The following VWC2 variants were observed in gnomAD, a reference collection of about 807,000 sequenced individuals.
VWC2 encodes von Willebrand factor C domain containing 2.
In VWC2, 14 loss-of-function variants were observed where a neutral mutation model predicts 29.8. That is an observed-to-expected ratio of 0.47 (90% confidence interval 0.31 to 0.74). The LOEUF is 0.74. VWC2 is among the 30% of genes least tolerant of loss of function. VWC2 has a pLI of 0.05. For missense variants in VWC2, 457 were observed against 459.8 expected, an observed-to-expected ratio of 0.99 and a Z score of 0.05; for synonymous variants, 213 against 199.0, an observed-to-expected ratio of 1.07 and a Z score of -0.59.
At chr7:49,834,439 A>G (rs1789610962) in intron 3 of VWC2, among the ~76,000 whole-genome samples, 1 of 152,236 alleles carries the variant, frequency 6.6e-6, no homozygotes, top group Non-Finnish European at 1.5e-5. Flanking sequence ...TAGGACTCCA[A>G]TTATGTAAAT....
intron 3 of VWC2, among the ~76,000 whole-genome samples, chr7:49,811,041 C>A (rs539363870): frequency 6.6e-6 from 1 of 152,112 alleles, no homozygotes; most frequent in South Asian, 2.1e-4. Context: ...AAAATTTTTG[C>A]ATCTCAAAAC....
intron 3 of VWC2, among the ~76,000 whole-genome samples, chr7:49,846,209 A>T (rs994448369): frequency 6.6e-6 from 1 of 152,134 alleles, no homozygotes; most frequent in Admixed American, 6.6e-5. Context: ...CCATCACTCC[A>T]TTTGGTGCAA....
At chr7:49,880,231 G>T (rs1351197684) in intron 3 of VWC2, among the ~76,000 whole-genome samples, 1 of 152,030 alleles carries the variant, frequency 6.6e-6, no homozygotes, top group East Asian at 1.9e-4. Context: ...TCTCTTATAT[G>T]TGTGGCTATA....
At chr7:49,880,327 T>A (rs1583742582) in intron 3 of VWC2, among the ~76,000 whole-genome samples, 1 of 152,210 alleles carries the variant, frequency 6.6e-6, no homozygotes, top group East Asian at 1.9e-4. Context: ...GATGCTGAAT[T>A]CTATGTATTT....
intron 3 of VWC2, among the ~76,000 whole-genome samples, chr7:49,827,887 C>G (rs888119881): frequency 6.6e-6 from 1 of 152,162 alleles, no homozygotes; most frequent in African/African-American, 2.4e-5. Context: ...CTTATATATT[C>G]TGATCAAGTC....
chr7:49,843,774 C>T (rs894223831), intron 3 of VWC2, among the ~76,000 whole-genome samples: 1 of 152,192 alleles, frequency 6.6e-6, no homozygotes, highest in Non-Finnish European at 1.5e-5. Context: ...CCCAGCGCTA[C>T]AGGGCATTGT....
intron 3 of VWC2, among the ~76,000 whole-genome samples, chr7:49,880,364 T>C (rs935524494): frequency 3.9e-5 from 6 of 152,042 alleles, no homozygotes; most frequent in Admixed American, 2.0e-4. Flanking sequence ...TCTGAATTTA[T>C]AGATAACTTT....
intron 3 of VWC2, among the ~76,000 whole-genome samples, chr7:49,804,045 T>C (rs953363568): frequency 7.2e-5 from 11 of 152,130 alleles, no homozygotes; most frequent in Non-Finnish European, 7.3e-5. Flanking sequence ...AAAACAAAGA[T>C]GTCACAGAGT....
At chr7:49,882,392 G>A (rs1022764938) in intron 3 of VWC2, among the ~76,000 whole-genome samples, 1 of 152,128 alleles carries the variant, frequency 6.6e-6, no homozygotes, top group Non-Finnish European at 1.5e-5. Flanking sequence ...ACCATCCACT[G>A]TCTTTATTTT....
chr7:49,824,515 C>G (rs1474872785), intron 3 of VWC2, among the ~76,000 whole-genome samples: 1 of 152,108 alleles, frequency 6.6e-6, no homozygotes, highest in Non-Finnish European at 1.5e-5. Flanking sequence ...AGGTGTCCAA[C>G]TTTATTTTTT....
Position 49,775,560 on chromosome 7 carries a change from A to C in VWC2, c.125A>C (p.Gln42Pro), listed in dbSNP as rs1490601943. Reference protein sequence around the residue: ...PLEKLAQAPEQPGQEKREHAS... With the variant: ...PLEKLAQAPEPPGQEKREHAS... ...GAGAAGCTGGCCCAGGCACCAGAGC[A>C]GCCGGGCCAGGAGAAGCGTGAGCAC... is the stretch of plus-strand genomic sequence containing the variant. Residue 42 changes from glutamine (Q) to proline (P), a missense_variant, in exon 2 of 4, where the codon CAG becomes CCG. By Grantham distance (76) the Gln-to-Pro change is moderately conservative. Coordinates refer to ENST00000340652, the MANE Select transcript of VWC2 (RefSeq NM_198570.5). The C allele has an allele frequency of 6.5e-7, 1 of 1,549,054 alleles. No individual in the cohort carries two copies. Among genetic ancestry groups the C allele is most frequent in the South Asian group, 1.2e-5 (1 of 83,358 alleles).
rs1288743178 is a variant in VWC2, at chr7:49,775,956, C to T, written c.521C>T (p.Ser174Leu). 2 of 1,551,416 alleles carry T rather than the reference C, an allele frequency of 1.3e-6. No homozygotes were observed. Among genetic ancestry groups the T allele is most frequent in the Non-Finnish European group, 1.7e-6 (2 of 1,150,730 alleles). Residue 174 changes from serine (S) to leucine (L), a missense_variant, in exon 2 of 4, where the codon TCG becomes TTG. Physicochemically the swap from Ser to Leu is moderately radical, Grantham distance 145. Transcript: ENST00000340652. ...AIGEKFAPGP[S>L]ACPCLCTEEG... ...GGGGAGAAGTTCGCGCCGGGCCCCTCGGCCTGCCCGTGCCTGTGCACCGAG... is the reference window on the plus strand; with the variant it reads ...GGGGAGAAGTTCGCGCCGGGCCCCTTGGCCTGCCCGTGCCTGTGCACCGAG...
intron 3 of VWC2, among the ~76,000 whole-genome samples, chr7:49,835,843 GCTT>G (rs1001629534): frequency 2.6e-5 from 4 of 152,060 alleles, no homozygotes; most frequent in African/African-American, 7.2e-5. Context: ...TGAACCTTTT[GCTT>G]CTTCTTTATA....
rs982811000 is a variant in VWC2, at chr7:49,918,581, G to A, written c.*6396G>A. The stretch of plus-strand genomic sequence containing the variant: ...GTTGTTCAGGTATGATTCTCATATT[G>A]AAATTTACAAAATATAACCAAATAT... On this transcript the variant is annotated 3_prime_UTR_variant, in exon 4 of 4. Coordinates refer to ENST00000340652, the MANE Select transcript of VWC2 (RefSeq NM_198570.5). 3.9e-5 allele frequency: 6 copies of A among 152,136 alleles called. No individual in the cohort carries two copies. Among genetic ancestry groups the A allele is most frequent in the Non-Finnish European group, 5.9e-5 (4 of 68,016 alleles). 9.4% of individuals were successfully genotyped at this position (152,136 alleles called of 1,614,324 possible). A position where few individuals can be genotyped will look rare whatever the true frequency, so the allele number is the denominator to read the frequency against.
At chr7:49,872,865 G>A (rs1316902150) in intron 3 of VWC2, among the ~76,000 whole-genome samples, 3 of 119,116 alleles carry the variant, frequency 2.5e-5, no homozygotes, top group African/African-American at 6.3e-5. Flanking sequence ...GCAGTGACCC[G>A]AGATCATGCC....
intron 3 of VWC2, among the ~76,000 whole-genome samples, chr7:49,810,524 T>C (rs1051801143): frequency 2.0e-5 from 3 of 152,132 alleles, no homozygotes; most frequent in Non-Finnish European, 2.9e-5. Flanking sequence ...TTGTAGAAAT[T>C]GACAGTCTGA....
At chr7:49,779,434 A>G (rs1406928473) in intron 2 of VWC2, among the ~76,000 whole-genome samples, 1 of 152,180 alleles carries the variant, frequency 6.6e-6, no homozygotes, top group East Asian at 1.9e-4. Context: ...TCCTCCAGGG[A>G]TGGTTGTAAT....
At chr7:49,792,744 T>C (rs1313030767) in intron 2 of VWC2, among the ~76,000 whole-genome samples, 2 of 152,254 alleles carry the variant, frequency 1.3e-5, no homozygotes, top group Admixed American at 1.3e-4. Flanking sequence ...CGGGCTTGGC[T>C]GGAGGAGGCC....
chr7:49,780,376 G>T (rs978754573), intron 2 of VWC2, among the ~76,000 whole-genome samples: 1 of 152,140 alleles, frequency 6.6e-6, no homozygotes, highest in Non-Finnish European at 1.5e-5. Context: ...TTGCCTCAGT[G>T]GCCACATGAT....
Sources: gnomAD v4.1 joint callset for allele counts (sites outside exome capture counted in the v4.1 genomes callset) on GRCh38, gnomAD v4.1.1 for gene constraint, MANE v1.5 for transcripts, NCBI Gene and HGNC (gene_info 2026-07-23, HGNC 2026-07-21) for gene names.